The following PGGHG variants were observed in gnomAD, a reference collection of about 807,000 sequenced individuals.
PGGHG encodes the protein ATH1, acid trehalase-like 1.
PGGHG carries 67 observed loss-of-function variants against 74.5 expected under a neutral mutation model. The observed-to-expected ratio is 0.90, with a 90% confidence interval of 0.74 to 1.10. The LOEUF (loss-of-function observed/expected upper bound fraction) is 1.10, where lower values mean the gene tolerates loss of function less well. Ranked by LOEUF, PGGHG falls within the 50% of genes least tolerant of loss-of-function variation. The probability of loss-of-function intolerance (pLI) is 0.00; values close to 1 mark genes in which losing one functional copy is unlikely to be tolerated. For missense variants in PGGHG, 1,034 were observed against 981.5 expected (o/e 1.05, Z -0.72); for synonymous variants, 496 against 419.9 (o/e 1.18, Z -2.21).
In PGGHG at chr11:294,750, T is replaced by C. The variant is rs373754199; in HGVS notation, c.*1T>C. The C allele has an allele frequency of 1.3e-6, 2 of 1,588,798 alleles. No individual in the cohort carries two copies. The highest frequency in any genetic ancestry group is 1.7e-6 in the Non-Finnish European group (2 of 1,164,716). ...CACTGTGGACCCTGCCTCTGAATAA[T>C]CAGGAACGGTGGCTTCAGAGACGTC... On this transcript the variant is annotated 3_prime_UTR_variant, in exon 14 of 14. Coordinates refer to ENST00000409548, the MANE Select transcript of PGGHG (RefSeq NM_025092.5).
rs1339186228 is a variant in PGGHG, at chr11:290,000, C to T, written c.184C>T (p.Leu62Phe). 9.0e-6 allele frequency: 14 copies of T among 1,548,298 alleles called. No homozygotes were observed. The East Asian group carries it at 3.4e-4, about 38-fold the overall frequency. ...DTHRAMLPSP[L>F]NVRLEAPAGM... ...GCACCGGGCCATGCTGCCCAGCCCCCTCAACGTCCGGCTGGAGGCCCCTGC... is the reference window on the plus strand; with the variant it reads ...GCACCGGGCCATGCTGCCCAGCCCCTTCAACGTCCGGCTGGAGGCCCCTGC... Residue 62 changes from leucine (L) to phenylalanine (F), a missense_variant, in exon 2 of 14, where the codon CTC becomes TTC. By Grantham distance (22) the Leu-to-Phe change is conservative. Coordinates refer to ENST00000409548, the MANE Select transcript of PGGHG (RefSeq NM_025092.5). The surrounding 1 kb of genome is among the most constrained non-coding windows in gnomAD (Gnocchi z 5.6).
In PGGHG at chr11:293,742, G is replaced by A; in HGVS notation, c.1614+15G>A. 6.2e-7 allele frequency: 1 copy of A among 1,613,354 alleles called. No homozygotes were observed. Among genetic ancestry groups the A allele is most frequent in the Non-Finnish European group, 8.5e-7 (1 of 1,179,988 alleles). On this transcript the variant is annotated intron_variant, in intron 10 of 13. Transcript: ENST00000409548. ...CCATGACCTGGGTGAGCACCCTGGG[G>A]CTGTGGAGTTCCTACCCCATTGGCC...
At position 290,963 on chromosome 11, in the gene PGGHG, G is replaced by A; in HGVS notation, c.756G>A (p.Leu252=). 1.2e-6 allele frequency: 2 copies of A among 1,612,768 alleles called. No homozygotes were observed. Among genetic ancestry groups the A allele is most frequent in the Admixed American group, 1.7e-5 (1 of 60,022 alleles). ...TGGACGTGGTGGGGCCCCTGCAGCT[G>A]CGCCAGGCCCTGCGTGGCTCCCTCT... ...CGLDVVGPLQ[L]RQALRGSLYY... The change falls in exon 4 of 14, where the codon CTG becomes CTA. Residue 252 remains leucine, a synonymous_variant. Transcript: ENST00000409548.
Position 293,617 on chromosome 11 carries a change from G to C in PGGHG, c.1504G>C (p.Val502Leu). 6 of 1,613,606 alleles carry C rather than the reference G, an allele frequency of 3.7e-6. No individual in the cohort carries two copies. The highest frequency in any genetic ancestry group is 5.1e-6 in the Non-Finnish European group (6 of 1,180,000). ...AGGAGAGGTGGTGAAGCAGGCAGAC[G>C]TCGTGCTCCTGGGATACCCAGTCCC... Reference protein sequence around the residue: ...EPGEVVKQADVVLLGYPVPFS... With the variant: ...EPGEVVKQADLVLLGYPVPFS... Residue 502 changes from valine (V) to leucine (L), a missense_variant, in exon 10 of 14, where the codon GTC becomes CTC. Transcript: ENST00000409548.
chr11:294,746 A>G lies in PGGHG; in HGVS notation c.2211A>G (p.Glu737=), dbSNP rs775570674. Residue 737 remains glutamate (E), a synonymous_variant, in exon 14 of 14, where the codon GAA becomes GAG. Coordinates refer to ENST00000409548, the MANE Select transcript of PGGHG (RefSeq NM_025092.5). The stretch of plus-strand genomic sequence containing the variant: ...CACTCACTGTGGACCCTGCCTCTGA[A>G]TAATCAGGAACGGTGGCTTCAGAGA... ...TESLTVDPAS[E] The G allele has an allele frequency of 3.8e-6, 6 of 1,593,820 alleles. No individual in the cohort carries two copies. The highest frequency in any genetic ancestry group is 1.4e-5 in the African/African-American group (1 of 73,886).
chr11:295,355 C>G lies in PGGHG; in HGVS notation c.*606C>G, dbSNP rs1414661971. The G allele has an allele frequency of 6.6e-6, 1 of 152,324 alleles. No homozygotes were observed. Among genetic ancestry groups the G allele is most frequent in the African/African-American group, 2.4e-5 (1 of 41,460 alleles). 9.4% of individuals were successfully genotyped at this position (152,324 alleles called of 1,614,324 possible). On this transcript the variant is annotated 3_prime_UTR_variant, in exon 14 of 14. Coordinates refer to ENST00000409548, the MANE Select transcript of PGGHG (RefSeq NM_025092.5). Reference sequence around the variant, plus strand: ...TGCTACAGCGTGGGGTGGGATGGCTCTCTTCCCTCAGCCACGCCGCTTGTG... The same window carrying G: ...TGCTACAGCGTGGGGTGGGATGGCTGTCTTCCCTCAGCCACGCCGCTTGTG...
In PGGHG at chr11:293,052, A is replaced by G. The variant is rs1228784749; in HGVS notation, c.1270+55A>G. ...AGGAAGGGTGGATGCTCCCAGACTC[A>G]GCAGATGATTTTCAGACACCTCACG... On this transcript the variant is annotated intron_variant, in intron 7 of 13. Transcript: ENST00000409548. The G allele has an allele frequency of 3.1e-6, 5 of 1,613,846 alleles. No homozygotes were observed. The South Asian group carries it at 5.5e-5, about 18-fold the overall frequency.
chr11:294,984 G>A lies in PGGHG; in HGVS notation c.*235G>A. 2.0e-6 allele frequency: 1 copy of A among 496,866 alleles called. No individual in the cohort carries two copies. Among genetic ancestry groups the A allele is most frequent in the East Asian group, 3.2e-5 (1 of 31,418 alleles). 30.8% of individuals were successfully genotyped at this position (496,866 alleles called of 1,614,324 possible). On this transcript the variant is annotated 3_prime_UTR_variant, in exon 14 of 14. Transcript: ENST00000409548. ...CTCCACACCGCCTCTGCCTGCCCCT[G>A]TGGACTGATGCTATCGCGCACCGTC...
intron 2 of PGGHG, 31 bp downstream of exon 2, chr11:290,106 C>T (rs1341373643): frequency 1.3e-6 from 2 of 1,498,562 alleles, no homozygotes; most frequent in South Asian, 2.6e-5. Context: ...TCACCCCTGC[C>T]CCAGGCATTG....
intron 10 of PGGHG, 32 bp downstream of exon 10, chr11:293,759 C>G (rs1202484718): frequency 1.2e-6 from 2 of 1,613,350 alleles, no homozygotes; most frequent in East Asian, 2.2e-5. Flanking sequence ...AGTTCCTACC[C>G]CATTGGCCTC....
intron 7 of PGGHG, 63 bp downstream of exon 7, chr11:293,060 A>T (rs747653005): frequency 3.1e-6 from 5 of 1,613,638 alleles, no homozygotes; most frequent in Middle Eastern, 1.6e-4. Flanking sequence ...TCAGCAGATG[A>T]TTTTCAGACA....
intron 7 of PGGHG, 47 bp from the exon 8 acceptor site, chr11:293,116 G>A (rs759330127): frequency 6.8e-6 from 11 of 1,613,770 alleles, no homozygotes; most frequent in African/African-American, 2.7e-5. Flanking sequence ...TGGAGGGAAG[G>A]CCTCTGAGAC....
rs759823292 is a variant in PGGHG at position 290,664 on chromosome 11, C to T, written c.471-14C>T. On this transcript the variant is annotated splice_polypyrimidine_tract_variant and intron_variant, in intron 3 of 13. Coordinates refer to ENST00000409548, the MANE Select transcript of PGGHG (RefSeq NM_025092.5). ...GAGGGAGCTCATCCCTGAGGCATGG[C>T]CACGCTCTCACAGGTACCTGTATGG... The T allele has an allele frequency of 7.5e-6, 12 of 1,609,488 alleles. No individual in the cohort carries two copies. The South Asian group carries it at 1.3e-4, about 18-fold the overall frequency.
intron 2 of PGGHG, 58 bp downstream of exon 2, chr11:290,133 C>A: frequency 6.8e-7 from 1 of 1,476,458 alleles, no homozygotes; most frequent in Non-Finnish European, 9.0e-7. Context: ...GTCGGTGGGG[C>A]AACCACAGCA....
intron 4 of PGGHG, 163 bp downstream of exon 4, chr11:291,276 A>G: frequency 2.3e-6 from 2 of 876,414 alleles, no homozygotes; most frequent in Admixed American, 3.1e-5. Flanking sequence ...GGAGTGATCT[A>G]GGTGAGGGGA....
rs1356415913 is a variant in PGGHG at position 289,846 on chromosome 11, G to A, written c.30G>A (p.Thr10=). MEDAGEDPT[T]FAAHSLPSDP... The stretch of plus-strand genomic sequence containing the variant: ...AGGACGCCGGCGAGGACCCCACCAC[G>A]TTTGCTGCCCACTCTCTGCCCAGTG... The change falls in exon 2 of 14, where the codon ACG becomes ACA. Residue 10 remains threonine, a synonymous_variant. Transcript: ENST00000409548. The surrounding 1 kb of genome is among the most constrained non-coding windows in gnomAD (Gnocchi z 5.6). 6.4e-7 allele frequency: 1 copy of A among 1,550,970 alleles called. No homozygotes were observed. The highest frequency in any genetic ancestry group is 8.7e-7 in the Non-Finnish European group (1 of 1,146,878).
At chr11:291,487 T>C (rs1391877414) in intron 4 of PGGHG, 3 of 271,860 alleles carry the variant, frequency 1.1e-5, no homozygotes, top group Admixed American at 4.9e-5. Context: ...TGGGAAGGCC[T>C]GTGGGGCTGC....
Position 294,927 on chromosome 11 carries a change from A to AC in PGGHG, c.*183dup. On this transcript the variant is annotated 3_prime_UTR_variant, in exon 14 of 14. Coordinates refer to ENST00000409548, the MANE Select transcript of PGGHG (RefSeq NM_025092.5). ...CTGCCTGTAGCCTGGACTCCCGTGGACCCCCGTGGGCAGGTGGCTTCCCCG... is the reference window on the plus strand; with the variant it reads ...CTGCCTGTAGCCTGGACTCCCGTGGACCCCCCGTGGGCAGGTGGCTTCCCCG... 1.4e-6 allele frequency: 1 copy of AC among 717,134 alleles called. No individual in the cohort carries two copies. Among genetic ancestry groups the AC allele is most frequent in the Non-Finnish European group, 2.1e-6 (1 of 468,938 alleles). 44.4% of individuals were successfully genotyped at this position (717,134 alleles called of 1,614,324 possible).
At position 295,299 on chromosome 11, in the gene PGGHG, C is replaced by G. The variant is rs1324638209; in HGVS notation, c.*550C>G. 1 of 152,368 alleles carries G rather than the reference C, an allele frequency of 6.6e-6. No homozygotes were observed. Among genetic ancestry groups the G allele is most frequent in the Non-Finnish European group, 1.5e-5 (1 of 68,154 alleles). 9.4% of individuals were successfully genotyped at this position (152,368 alleles called of 1,614,324 possible). On this transcript the variant is annotated 3_prime_UTR_variant, in exon 14 of 14. Coordinates refer to ENST00000409548, the MANE Select transcript of PGGHG (RefSeq NM_025092.5). ...TCTCAATCCCAGGCTCCTCTTGACTCTGGGCAGCTTTAATCAGGTTGGGCA... is the reference window on the plus strand; with the variant it reads ...TCTCAATCCCAGGCTCCTCTTGACTGTGGGCAGCTTTAATCAGGTTGGGCA...
Sources: allele counts gnomAD v4.1 joint callset, GRCh38; gene constraint gnomAD v4.1.1; non-coding constraint Gnocchi (gnomAD v3.1); transcripts MANE v1.5; gene names NCBI Gene and HGNC (gene_info 2026-07-23, HGNC 2026-07-21).